Variants in PGBD5 observed in about 807,000 individuals in gnomAD.
PGBD5 encodes piggyBac transposable element derived 5, also known as piggyBac transposable element-derived protein 5.
A neutral mutation model predicts 47.9 loss-of-function variants in PGBD5; 14 were observed. That is an observed-to-expected ratio of 0.29 (90% CI 0.19 to 0.46). PGBD5 has a LOEUF of 0.46. Ranked by LOEUF, PGBD5 falls within the 20% of genes least tolerant of loss-of-function variation. PGBD5 has a pLI of 1.00. For missense variants in PGBD5, 635 were observed against 716.0 expected (o/e 0.89, Z 1.29); for synonymous variants, 316 against 306.3 (o/e 1.03, Z -0.33).
At chr1:230,400,254 C>T (rs1328582199) in intron 1 of PGBD5, among the ~76,000 whole-genome samples, 3 of 152,204 alleles carry the variant, frequency 2.0e-5, no homozygotes, top group East Asian at 1.9e-4. Flanking sequence ...ACTCCTTCAC[C>T]GCCTGGGAGC....
chr1:230,381,083 C>G (rs1420618158), intron 1 of PGBD5, among the ~76,000 whole-genome samples: 1 of 152,272 alleles, frequency 6.6e-6, no homozygotes. Flanking sequence ...ACACACACTT[C>G]TGCCCTTCTC....
At chr1:230,333,930 G>A (rs1298412666) in intron 4 of PGBD5, among the ~76,000 whole-genome samples, 1 of 152,160 alleles carries the variant, frequency 6.6e-6, no homozygotes, top group East Asian at 1.9e-4. Context: ...GGGACAGAAG[G>A]CCACAGGGGC....
intron 1 of PGBD5, among the ~76,000 whole-genome samples, chr1:230,384,968 T>G (rs1656598889): frequency 6.6e-6 from 1 of 152,196 alleles, no homozygotes; most frequent in African/African-American, 2.4e-5. Context: ...AGTATTTCAG[T>G]AAATATGTTT....
At chr1:230,370,589 C>T (rs927470082) in intron 1 of PGBD5, among the ~76,000 whole-genome samples, 5 of 152,088 alleles carry the variant, frequency 3.3e-5, no homozygotes, top group Non-Finnish European at 7.3e-5. Context: ...CCCATTTATC[C>T]AAAGAGGAAA....
chr1:230,379,151 G>C (rs1668056508), intron 1 of PGBD5, among the ~76,000 whole-genome samples: 1 of 152,106 alleles, frequency 6.6e-6, no homozygotes, highest in Non-Finnish European at 1.5e-5. Flanking sequence ...CCAACTCTAG[G>C]GGAGGAAAGA....
intron 1 of PGBD5, among the ~76,000 whole-genome samples, chr1:230,359,064 TTTC>T (rs1004955515): frequency 1.3e-5 from 2 of 151,880 alleles, no homozygotes; most frequent in African/African-American, 4.9e-5. Context: ...TATATTGATT[TTTC>T]TTTTCTTTTT....
At chr1:230,378,837 T>C (rs1258023537) in intron 1 of PGBD5, among the ~76,000 whole-genome samples, 1 of 152,072 alleles carries the variant, frequency 6.6e-6, no homozygotes, top group Non-Finnish European at 1.5e-5. Flanking sequence ...AATAACCCTA[T>C]GAATAGGGTT....
At chr1:230,333,109 G>T (rs1490506216) in intron 4 of PGBD5, 68 bp from the exon 5 acceptor site, 1 of 1,496,070 alleles carries the variant, frequency 6.7e-7, no homozygotes, top group Non-Finnish European at 9.0e-7. Context: ...CCTCCGCCCT[G>T]GGCACCCCCA....
At chr1:230,363,387 G>A (rs111885953) in intron 1 of PGBD5, among the ~76,000 whole-genome samples, 5 of 152,168 alleles carry the variant, frequency 3.3e-5, no homozygotes, top group Non-Finnish European at 7.3e-5. Context: ...TTCGAGACCA[G>A]CCTGGCCAAT....
At chr1:230,351,775 C>T (rs914961778) in intron 2 of PGBD5, among the ~76,000 whole-genome samples, 2 of 152,230 alleles carry the variant, frequency 1.3e-5, no homozygotes, top group South Asian at 2.1e-4. Flanking sequence ...TTGTCATGAC[C>T]TTTCTGACAA....
chr1:230,362,432 C>T (rs1195676811), intron 1 of PGBD5: 50 of 1,294,986 alleles, frequency 3.9e-5, no homozygotes, highest in Non-Finnish European at 5.1e-5. Flanking sequence ...CAGACCTGGA[C>T]CGTGGCAAGC....
chr1:230,356,664 A>G (rs1247959081), intron 2 of PGBD5, among the ~76,000 whole-genome samples: 1 of 152,236 alleles, frequency 6.6e-6, no homozygotes, highest in Non-Finnish European at 1.5e-5. Flanking sequence ...TCTCAGAGCA[A>G]AAGACTGAAT....
intron 1 of PGBD5, among the ~76,000 whole-genome samples, chr1:230,393,165 G>A (rs1417327042): frequency 7.8e-6 from 1 of 128,204 alleles, no homozygotes; most frequent in Non-Finnish European, 1.6e-5. Context: ...AGGAAAAAGG[G>A]AAGAGAAGGG....
At position 230,362,966 on chromosome 1, in the gene PGBD5, G is replaced by C. The variant is rs191858179; in HGVS notation, c.332-5645C>G. ...TGAAAGTACAGTGGGCACACCTCTCGGTCACATCCCTGAGGATGCCCACGC... is the reference window on the plus strand; with the variant it reads ...TGAAAGTACAGTGGGCACACCTCTCCGTCACATCCCTGAGGATGCCCACGC... On this transcript the variant is annotated intron_variant, in intron 1 of 6. Transcript: ENST00000391860. Among the ~76,000 whole-genome samples the C allele has an allele frequency of 5.9e-3, 894 of 152,232 alleles. 4 individuals are homozygous for C. Among genetic ancestry groups the C allele is most frequent in the Non-Finnish European group, 9.1e-3 (620 of 68,016 alleles).
intron 1 of PGBD5, among the ~76,000 whole-genome samples, chr1:230,367,148 T>C (rs1275249248): frequency 6.6e-6 from 1 of 152,094 alleles, no homozygotes; most frequent in African/African-American, 2.4e-5. Context: ...ACACCCTCTG[T>C]AGCTCTTCAG....
At chr1:230,405,225 A>G (rs1416916996) in intron 1 of PGBD5, among the ~76,000 whole-genome samples, 6 of 151,718 alleles carry the variant, frequency 4.0e-5, no homozygotes. Context: ...TGAAGAAAAA[A>G]ATTGAGAGTG....
intron 1 of PGBD5, chr1:230,377,767 TGCAGCATCCGGCTCATAC>T: frequency 2.3e-6 from 3 of 1,293,998 alleles, no homozygotes; most frequent in Non-Finnish European, 3.0e-6. Flanking sequence ...TAAAGCACAG[TGCAGCATCCGGCTCATAC>T]ATTTGGGATA....
intron 1 of PGBD5, chr1:230,377,361 G>A (rs1331805055): frequency 3.1e-6 from 3 of 973,834 alleles, no homozygotes; most frequent in Non-Finnish European, 3.1e-6. Flanking sequence ...GGCCATCCAG[G>A]TGAAATGCTG....
intron 1 of PGBD5, among the ~76,000 whole-genome samples, chr1:230,396,190 ACCC>A (rs1171255640): frequency 7.6e-5 from 4 of 52,772 alleles, no homozygotes; most frequent in African/African-American, 2.7e-4. Context: ...ATTCCTTTTT[ACCC>A]CCCCACTCTT....
Sources: allele counts gnomAD v4.1 joint callset (sites outside exome capture counted in the v4.1 genomes callset), GRCh38; gene constraint gnomAD v4.1.1; transcripts MANE v1.5; gene names NCBI Gene and HGNC (gene_info 2026-07-23, HGNC 2026-07-21).